WDR11: variants seen among roughly 807,000 people sequenced by gnomAD.
The protein encoded by WDR11 is WD repeat-containing protein 11.
A neutral mutation model predicts 151.2 loss-of-function variants in WDR11; 83 were observed. That is an observed-to-expected ratio of 0.55 (90% CI 0.46 to 0.66). The LOEUF (loss-of-function observed/expected upper bound fraction) is 0.66. Among genes scored for constraint, WDR11 ranks in the 30% least tolerant of loss-of-function variants. WDR11 has a pLI of 0.00. For synonymous variants in WDR11, 484 were observed against 533.1 expected, an observed-to-expected ratio of 0.91 and a Z score of 1.27; for missense variants, 1,301 against 1,480.9, an observed-to-expected ratio of 0.88 and a Z score of 1.99.
intron 6 of WDR11, 71 bp from the exon 7 acceptor site, chr10:120,865,559 G>GT: frequency 9.5e-7 from 1 of 1,051,798 alleles, no homozygotes; most frequent in South Asian, 1.5e-5. Flanking sequence ...CTAAATATGA[G>GT]TTTGAGTTTC....
At position 120,878,346 on chromosome 10, in the gene WDR11, A is replaced by G. The variant is rs573377526; in HGVS notation, c.1557-7A>G. 41 of 1,586,792 alleles carry G rather than the reference A, an allele frequency of 2.6e-5. No individual in the cohort carries two copies. The highest frequency in any genetic ancestry group is 3.2e-5 in the Non-Finnish European group (37 of 1,156,040). ...TAGTTTAACCTTTATCTCATTTCCT[A>G]TTATAGGGGTATTGAATGGACAAGT... On this transcript the variant is annotated splice_polypyrimidine_tract_variant and splice_region_variant and intron_variant, in intron 11 of 28. Coordinates refer to ENST00000263461, the MANE Select transcript of WDR11 (RefSeq NM_018117.12).
intron 19 of WDR11, 50 bp downstream of exon 19, chr10:120,890,937 A>G: frequency 6.3e-7 from 1 of 1,585,940 alleles, no homozygotes; most frequent in South Asian, 1.1e-5. Context: ...TTACTTTGCC[A>G]CAAGCTCTTG....
chr10:120,858,450 G>T (rs1433830814), intron 2 of WDR11, among the ~76,000 whole-genome samples, 193 bp from the exon 3 acceptor site: 1 of 152,100 alleles, frequency 6.6e-6, no homozygotes, highest in Non-Finnish European at 1.5e-5. Flanking sequence ...AAACAATTTT[G>T]TAACTGCAGT....
At chr10:120,905,574 G>A (rs1048055839) in intron 26 of WDR11, 158 bp downstream of exon 26, 5 of 836,142 alleles carry the variant, frequency 6.0e-6, no homozygotes, top group African/African-American at 1.7e-5. Flanking sequence ...CTTTATGAGT[G>A]TAAATTGCAT....
chr10:120,904,603 A>G, intron 24 of WDR11, 43 bp from the exon 25 acceptor site: 1 of 1,611,490 alleles, frequency 6.2e-7, no homozygotes, highest in South Asian at 1.1e-5. Flanking sequence ...GTTATGTTGG[A>G]GGAAAATGTT....
At chr10:120,894,464 T>C (rs191321839) in intron 19 of WDR11, among the ~76,000 whole-genome samples, 3 of 152,262 alleles carry the variant, frequency 2.0e-5, no homozygotes, top group Non-Finnish European at 4.4e-5. Flanking sequence ...CCTGGAACGA[T>C]CTGGCGCAAT....
Position 120,890,854 on chromosome 10 carries a change from G to A in WDR11, c.2482G>A (p.Ala828Thr). The A allele has an allele frequency of 6.2e-7, 1 of 1,614,148 alleles. No individual in the cohort carries two copies. Among genetic ancestry groups the A allele is most frequent in the African/African-American group, 1.3e-5 (1 of 75,046 alleles). ...AGTCCTAGAGATGTCTATGAAGTCT[G>A]CGTGCTTTAGAATGGATGAACAAGA... ...IRVLEMSMKS[A>T]CFRMDEQELT... Residue 828 changes from alanine (A) to threonine (T), a missense_variant, in exon 19 of 29, where the codon GCG becomes ACG. Around this residue, in one of 3 missense-constraint regions of WDR11, gnomAD observed 589 missense variants for 670.6 expected, o/e 0.88. Coordinates refer to ENST00000263461, the MANE Select transcript of WDR11 (RefSeq NM_018117.12).
Position 120,905,984 on chromosome 10 carries a change from C to T in WDR11, c.3400C>T (p.Leu1134=). 1 of 1,614,108 alleles carries T rather than the reference C, an allele frequency of 6.2e-7. No homozygotes were observed. The highest frequency in any genetic ancestry group is 8.5e-7 in the Non-Finnish European group (1 of 1,180,028). The change falls in exon 27 of 29, where the codon CTG becomes TTG. Residue 1134 remains leucine (L), a synonymous_variant. Transcript: ENST00000263461. ...AAAGGCTCTCCTGGTTCTCCTCTCTCTGGGCTGCTTTTTTAGCGTGGCAGA... is the reference window on the plus strand; with the variant it reads ...AAAGGCTCTCCTGGTTCTCCTCTCTTTGGGCTGCTTTTTTAGCGTGGCAGA... The part of the protein sequence containing the change: ...KSKALLVLLS[L]GCFFSVAETL...
Position 120,900,045 on chromosome 10 carries a change from CT to C in WDR11, c.2533del (p.Tyr845IlefsTer11). ...QELTEPVWCP[Y>X]LLVPRASLAL... ...GTTGTCTAGAGCCTGTGTGGTGCCC[CT>C]ATCTCCTTGTTCCAAGGGCCTCTCT... On this transcript the variant is annotated frameshift_variant, in exon 20 of 29. Transcript: ENST00000263461. LOFTEE classifies it high-confidence loss of function. 2 of 1,613,910 alleles carry C rather than the reference CT, an allele frequency of 1.2e-6. No homozygotes were observed. The highest frequency in any genetic ancestry group is 8.5e-7 in the Non-Finnish European group (1 of 1,179,860).
chr10:120,865,323 A>G (rs562014129), intron 6 of WDR11, 111 bp downstream of exon 6: 21 of 1,141,628 alleles, frequency 1.8e-5, no homozygotes, highest in South Asian at 1.1e-4. Flanking sequence ...TCTCTTTTCA[A>G]TTTATCAAAA....
rs75922176 is a variant in WDR11, at chr10:120,908,095, A to T, written c.3518-461A>T. Reference sequence around the variant, plus strand: ...GCTGTTTAAAAAAATAAAAATAAATAAAAAAAAACCAATAGGACAGGGCTT... The same window carrying T: ...GCTGTTTAAAAAAATAAAAATAAATTAAAAAAAACCAATAGGACAGGGCTT... On this transcript the variant is annotated intron_variant, in intron 28 of 28. Transcript: ENST00000263461. 1,503 of 181,132 alleles carry T rather than the reference A, an allele frequency of 8.3e-3. 17 individuals are homozygous for T. Among genetic ancestry groups the T allele is most frequent in the Admixed American group, 0.025 (459 of 18,544 alleles). The allele number at this position is 181,132 out of a possible 1,614,324, so 11.2% of individuals were successfully genotyped here.
intron 22 of WDR11, 130 bp from the exon 23 acceptor site, chr10:120,902,925 C>T: frequency 1.0e-6 from 1 of 963,020 alleles, no homozygotes; most frequent in Non-Finnish European, 1.6e-6. Context: ...CCCTTTCACC[C>T]TGTCAGGCCC....
chr10:120,879,438 G>A lies in WDR11; in HGVS notation c.1663+979G>A, dbSNP rs1043964419. 11 of 152,106 alleles carry A rather than the reference G, an allele frequency of 7.2e-5. No individual in the cohort carries two copies. In the East Asian group the frequency reaches 1.7e-3, roughly 24 times the overall value. 9.4% of individuals were successfully genotyped at this position (152,106 alleles called of 1,614,324 possible). On this transcript the variant is annotated intron_variant, in intron 12 of 28. Coordinates refer to ENST00000263461, the MANE Select transcript of WDR11 (RefSeq NM_018117.12). ...AAGTTCCTAATTTGCCAGCAGAATG[G>A]TACTGGCCCTGTGTCTAGTGATCCC...
chr10:120,874,653 TAC>T (rs1846694118), intron 11 of WDR11, among the ~76,000 whole-genome samples: 1 of 152,084 alleles, frequency 6.6e-6, no homozygotes, highest in African/African-American at 2.4e-5. Context: ...AGTGAGAACA[TAC>T]AGTGTTTGGT....
In WDR11 at chr10:120,902,309, C is replaced by T. The variant is rs1404833876; in HGVS notation, c.2740C>T (p.Leu914=). The change falls in exon 22 of 29, where the codon CTG becomes TTG. Residue 914 remains leucine, a synonymous_variant. Coordinates refer to ENST00000263461, the MANE Select transcript of WDR11 (RefSeq NM_018117.12). ...AGAATTCACTCTCTTGCAGAGGTGC[C>T]TGCTTGTTTCAAGGTAATATTGTTT... ...DPEFTLLQRC[L]LVSRLYGDES... is the part of the protein sequence containing the mutation. The T allele has an allele frequency of 6.2e-7, 1 of 1,613,692 alleles. No homozygotes were observed. The highest frequency in any genetic ancestry group is 8.5e-7 in the Non-Finnish European group (1 of 1,179,774).
At chr10:120,859,836 CA>C (rs1450324565) in intron 3 of WDR11, among the ~76,000 whole-genome samples, 2 of 151,984 alleles carry the variant, frequency 1.3e-5, no homozygotes, top group Non-Finnish European at 2.9e-5. Context: ...ATGATTAGGG[CA>C]AATTGCCTTT....
chr10:120,904,212 T>C (rs1847947970), intron 24 of WDR11, 70 bp downstream of exon 24: 2 of 1,163,788 alleles, frequency 1.7e-6, no homozygotes, highest in Non-Finnish European at 2.6e-6. Flanking sequence ...GAGCAATATA[T>C]CTGTATGTAT....
chr10:120,870,791 T>C (rs1326204009), intron 9 of WDR11, among the ~76,000 whole-genome samples: 1 of 152,122 alleles, frequency 6.6e-6, no homozygotes, highest in Non-Finnish European at 1.5e-5. Context: ...GGCAGTAAAA[T>C]GAGAAAAATG....
intron 19 of WDR11, among the ~76,000 whole-genome samples, chr10:120,894,439 G>A (rs1357513541): frequency 1.3e-5 from 2 of 152,156 alleles, no homozygotes; most frequent in Non-Finnish European, 2.9e-5. Flanking sequence ...GGGGAGGTCT[G>A]GGGATGCTAA....
Sources: allele counts gnomAD v4.1 joint callset (sites outside exome capture counted in the v4.1 genomes callset), GRCh38; gene constraint gnomAD v4.1.1; regional missense constraint gnomAD v4.1.1; transcripts MANE v1.5; gene names NCBI Gene and HGNC (gene_info 2026-07-23, HGNC 2026-07-21).